GRK5: variants seen among roughly 807,000 people sequenced by gnomAD.
GRK5 encodes G protein-coupled receptor kinase 5.
Under a neutral mutation model 78.4 loss-of-function variants are expected in GRK5, and 40 were observed. The observed-to-expected ratio is 0.51, with a 90% CI of 0.40 to 0.66. The LOEUF (loss-of-function observed/expected upper bound fraction) is 0.66, where lower values mean the gene tolerates loss of function less well. GRK5 is among the 30% of genes least tolerant of loss of function. The probability of loss-of-function intolerance (pLI) is 0.00; values close to 1 mark genes in which losing one functional copy is unlikely to be tolerated. For synonymous variants in GRK5, 289 were observed against 296.8 expected (o/e 0.97, Z 0.27); for missense variants, 598 against 759.9 (o/e 0.79, Z 2.50).
intron 1 of GRK5, among the ~76,000 whole-genome samples, chr10:119,252,121 C>T (rs915056123): frequency 2.1e-4 from 32 of 152,204 alleles, no homozygotes; most frequent in African/African-American, 7.2e-4. Context: ...GCCTGCGTGG[C>T]GTGCTCGTGC....
chr10:119,314,193 G>C (rs370131607), intron 1 of GRK5, among the ~76,000 whole-genome samples: 38 of 152,204 alleles, frequency 2.5e-4, no homozygotes, highest in African/African-American at 8.2e-4. Context: ...TGGAATCCTT[G>C]AGCATAGCAA....
intron 3 of GRK5, among the ~76,000 whole-genome samples, chr10:119,390,067 C>A (rs1343374858): frequency 6.6e-6 from 1 of 152,060 alleles, no homozygotes; most frequent in African/African-American, 2.4e-5. Context: ...CCTTTAGATC[C>A]TTGGTTGGAT....
At chr10:119,368,389 G>T (rs1436882470) in intron 2 of GRK5, among the ~76,000 whole-genome samples, 1 of 152,192 alleles carries the variant, frequency 6.6e-6, no homozygotes, top group Non-Finnish European at 1.5e-5. Flanking sequence ...GGGGGCGGGG[G>T]ATGGCAGCTG....
At chr10:119,240,259 GGCAGGATCTCCGCTCACT>G (rs1249983704) in intron 1 of GRK5, among the ~76,000 whole-genome samples, 1 of 132,150 alleles carries the variant, frequency 7.6e-6, no homozygotes, top group African/African-American at 3.0e-5. Flanking sequence ...GGAGTGCAGT[GGCAGGATCTCCGCTCACT>G]GCAAGCTCTT....
In GRK5 at chr10:119,336,171, C is replaced by T. The variant is rs1009704558; in HGVS notation, c.148+9560C>T. 3 of 152,368 alleles carry T rather than the reference C, an allele frequency of 2.0e-5. No homozygotes were observed. The East Asian group carries it at 5.8e-4, about 29-fold the overall frequency. 9.4% of individuals were successfully genotyped at this position (152,368 alleles called of 1,614,324 possible). On this transcript the variant is annotated intron_variant, in intron 2 of 15. Coordinates refer to ENST00000392870, the MANE Select transcript of GRK5 (RefSeq NM_005308.3). The surrounding 1 kb of genome is among the most constrained non-coding windows in gnomAD (Gnocchi z 4.5). ...ACTGTTGCCTTGGAGTCATCGGAAT[C>T]CTCCTCTTCCTAGAGCACTGCCTCC...
chr10:119,241,185 C>T (rs79892393), intron 1 of GRK5, among the ~76,000 whole-genome samples: 3,066 of 152,256 alleles, frequency 0.02, 54 homozygotes, highest in Admixed American at 0.057. Flanking sequence ...TCGTCTGTGA[C>T]GTGGGCAGGG....
chr10:119,306,780 T>G (rs1564884767), intron 1 of GRK5, among the ~76,000 whole-genome samples: 1 of 152,108 alleles, frequency 6.6e-6, no homozygotes, highest in Non-Finnish European at 1.5e-5. Context: ...TGGGGAGCAC[T>G]TCCCCTCTTC....
At chr10:119,303,132 A>G (rs1850211512) in intron 1 of GRK5, among the ~76,000 whole-genome samples, 1 of 152,220 alleles carries the variant, frequency 6.6e-6, no homozygotes, top group African/African-American at 2.4e-5. Flanking sequence ...TTCTAGGATC[A>G]GCAGTGACCA....
chr10:119,284,644 G>T (rs1051414791), intron 1 of GRK5, among the ~76,000 whole-genome samples: 2 of 152,224 alleles, frequency 1.3e-5, no homozygotes, highest in African/African-American at 4.8e-5. Context: ...GGCTGCTGTG[G>T]CCTCTCAGTC....
At chr10:119,221,111 G>A (rs1441713279) in intron 1 of GRK5, among the ~76,000 whole-genome samples, 1 of 152,050 alleles carries the variant, frequency 6.6e-6, no homozygotes, top group African/African-American at 2.4e-5. Flanking sequence ...AGCCGAGATC[G>A]TGCCACTGCA....
At chr10:119,320,545 C>T (rs184557128) in intron 1 of GRK5, among the ~76,000 whole-genome samples, 31 of 152,308 alleles carry the variant, frequency 2.0e-4, no homozygotes, top group Admixed American at 3.3e-4. Flanking sequence ...TTCCATGGCA[C>T]GTGGAGAATG....
At position 119,431,935 on chromosome 10, in the gene GRK5, T is replaced by G. The variant is rs1401130290; in HGVS notation, c.738+408T>G. Among the ~76,000 whole-genome samples the G allele has an allele frequency of 6.6e-6, 1 of 152,190 alleles. No individual in the cohort carries two copies. ...AGCATCCTGGAATGGCACTATCAAG[T>G]CTGTGTGCATTGTGTTAGTCAGTCT... On this transcript the variant is annotated intron_variant, in intron 8 of 15. Coordinates refer to ENST00000392870, the MANE Select transcript of GRK5 (RefSeq NM_005308.3). This position sits in a 1 kb window ranked among gnomAD's most constrained non-coding sequence, Gnocchi z 4.8.
chr10:119,215,904 A>G (rs949375880), intron 1 of GRK5, among the ~76,000 whole-genome samples: 1 of 152,172 alleles, frequency 6.6e-6, no homozygotes, highest in African/African-American at 2.4e-5. Flanking sequence ...GTGATCTAAA[A>G]TGGGGGTGAA....
intron 2 of GRK5, among the ~76,000 whole-genome samples, chr10:119,354,305 ATAT>A (rs1464662403): frequency 2.0e-5 from 3 of 151,240 alleles, no homozygotes; most frequent in Non-Finnish European, 4.4e-5. Flanking sequence ...GTACAGTACG[ATAT>A]TATTAACTAT....
intron 2 of GRK5, among the ~76,000 whole-genome samples, chr10:119,345,624 T>C (rs1851077279): frequency 6.6e-6 from 1 of 152,166 alleles, no homozygotes; most frequent in African/African-American, 2.4e-5. Flanking sequence ...GATTCTTGAC[T>C]TCTCTGAAGT....
At chr10:119,283,209 C>G (rs1256782656) in intron 1 of GRK5, among the ~76,000 whole-genome samples, 1 of 151,852 alleles carries the variant, frequency 6.6e-6, no homozygotes, top group Admixed American at 6.6e-5. Flanking sequence ...TATAATTAGT[C>G]TAGTCACAAG....
chr10:119,313,149 ATGG>A (rs1342123852), intron 1 of GRK5, among the ~76,000 whole-genome samples: 6 of 129,556 alleles, frequency 4.6e-5, no homozygotes, highest in Admixed American at 7.6e-5. Flanking sequence ...GGTAGTGGTG[ATGG>A]TGGTGGTAAT....
At chr10:119,321,172 G>C (rs1850577179) in intron 1 of GRK5, among the ~76,000 whole-genome samples, 1 of 152,156 alleles carries the variant, frequency 6.6e-6, no homozygotes, top group South Asian at 2.1e-4. Flanking sequence ...AGGAAGGTTG[G>C]GTTTATTTCA....
At chr10:119,428,407 AG>A (rs1187700987) in intron 6 of GRK5, among the ~76,000 whole-genome samples, 1 of 152,226 alleles carries the variant, frequency 6.6e-6, no homozygotes, top group Admixed American at 6.5e-5. Context: ...AGACCCCCAG[AG>A]GGGGGCATGC....
Sources: gnomAD v4.1 joint callset for allele counts (sites outside exome capture counted in the v4.1 genomes callset) on GRCh38, gnomAD v4.1.1 for gene constraint, Gnocchi (gnomAD v3.1) non-coding constraint, MANE v1.5 for transcripts, NCBI Gene and HGNC (gene_info 2026-07-23, HGNC 2026-07-21) for gene names.